Variants in COPB1 observed in about 807,000 individuals in gnomAD.
COPB1 encodes the protein coat protein complex I subunit beta 1.
COPB1 carries 21 observed loss-of-function variants against 108.7 expected under a neutral mutation model. The ratio of observed to expected loss-of-function variants is 0.19; its 90% CI spans 0.14 to 0.28. The LOEUF is 0.28. COPB1 is among the 10% of genes least tolerant of loss of function. The probability of loss-of-function intolerance (pLI) is 1.00; values close to 1 mark genes in which losing one functional copy is unlikely to be tolerated. For missense variants in COPB1, 919 were observed against 1,141.3 expected (o/e 0.81, Z 2.81); for synonymous variants, 378 against 386.8 (o/e 0.98, Z 0.27).
chr11:14,490,458 A>G, intron 5 of COPB1, 107 bp downstream of exon 5: 1 of 621,438 alleles, frequency 1.6e-6, no homozygotes, highest in East Asian at 3.1e-5. Context: ...CACAAACCAC[A>G]TGAACTATAA....
In COPB1 at chr11:14,458,519, A is replaced by T; in HGVS notation, c.2802+13T>A. Reference sequence around the variant, plus strand: ...CAGTCCAGAGATACTCTCAAAAAAAAAGGAACTGTTACCTGGCTCTTTGCA... The same window carrying T: ...CAGTCCAGAGATACTCTCAAAAAAATAGGAACTGTTACCTGGCTCTTTGCA... On this transcript the variant is annotated intron_variant, in intron 21 of 21. Coordinates refer to ENST00000439561, the MANE Select transcript of COPB1 (RefSeq NM_001144061.2). 6.3e-7 allele frequency: 1 copy of T among 1,597,266 alleles called. No individual in the cohort carries two copies. Among genetic ancestry groups the T allele is most frequent in the African/African-American group, 1.4e-5 (1 of 73,852 alleles).
At chr11:14,479,507 TTAAAGA>T in intron 11 of COPB1, 56 bp downstream of exon 11, 1 of 1,495,744 alleles carries the variant, frequency 6.7e-7, no homozygotes, top group Non-Finnish European at 9.0e-7. Context: ...AACTGACCCT[TTAAAGA>T]TAAAAACTGA....
At chr11:14,475,622 T>C (rs1292106575) in intron 13 of COPB1, among the ~76,000 whole-genome samples, 163 bp downstream of exon 13, 1 of 152,220 alleles carries the variant, frequency 6.6e-6, no homozygotes, top group African/African-American at 2.4e-5. Context: ...ATACAATTCC[T>C]AGGGGGAAGA....
At chr11:14,485,855 A>C (rs552899428) in intron 7 of COPB1, among the ~76,000 whole-genome samples, 2 of 152,292 alleles carry the variant, frequency 1.3e-5, no homozygotes, top group South Asian at 2.1e-4. Context: ...AACAAAACAA[A>C]ACAACCCATA....
At chr11:14,479,815 T>C in intron 10 of COPB1, 101 bp from the exon 11 acceptor site, 1 of 1,206,940 alleles carries the variant, frequency 8.3e-7, no homozygotes, top group Non-Finnish European at 1.1e-6. Flanking sequence ...CTTTTTTTGT[T>C]TTCTAAGAGA....
At chr11:14,471,700 C>T (rs1202617148) in intron 14 of COPB1, among the ~76,000 whole-genome samples, 2 of 152,082 alleles carry the variant, frequency 1.3e-5, no homozygotes, top group Non-Finnish European at 2.9e-5. Flanking sequence ...GGCGGATCAC[C>T]TGAGGTCAGC....
At chr11:14,482,958 T>C in intron 8 of COPB1, 74 bp downstream of exon 8, 10 of 1,366,962 alleles carry the variant, frequency 7.3e-6, no homozygotes, top group Non-Finnish European at 9.8e-6. Flanking sequence ...TTAACCAAGA[T>C]GGGCAAAGCT....
intron 21 of COPB1, among the ~76,000 whole-genome samples, 158 bp from the exon 22 acceptor site, chr11:14,458,041 C>T (rs1850065860): frequency 6.7e-6 from 1 of 149,300 alleles, no homozygotes; most frequent in East Asian, 2.0e-4. Flanking sequence ...TGGTAATTAC[C>T]TTTCAGTGCT....
chr11:14,491,815 CTG>C (rs1850912598), intron 4 of COPB1, among the ~76,000 whole-genome samples: 1 of 152,284 alleles, frequency 6.6e-6, no homozygotes, highest in East Asian at 1.9e-4. Context: ...TCTCTAATAA[CTG>C]TTGTGCATAC....
chr11:14,477,819 C>T (rs1194489831), intron 11 of COPB1, among the ~76,000 whole-genome samples: 2 of 149,888 alleles, frequency 1.3e-5, no homozygotes, highest in African/African-American at 4.9e-5. Flanking sequence ...ATCGCTTGAA[C>T]ATGAGAGGCG....
chr11:14,482,458 T>G (rs1850680541), intron 8 of COPB1, among the ~76,000 whole-genome samples: 1 of 152,194 alleles, frequency 6.6e-6, no homozygotes, highest in African/African-American at 2.4e-5. Context: ...TTAAAATGAG[T>G]ATGTCACTGT....
rs1722599278 is a variant in COPB1, at chr11:14,486,392, A to T, written c.812T>A (p.Leu271His). The change falls in exon 7 of 22, where the codon CTC becomes CAC. Residue 271 changes from leucine (L) to histidine (H), a missense_variant. Around this residue, in one of 5 missense-constraint regions of COPB1, gnomAD observed 705 missense variants for 817.8 expected, o/e 0.86. Transcript: ENST00000439561. ...CTTGATTGCAGTTGGTGCACTAGAG[A>T]GTGTCACTAATGTCCCAGCAGCTTC... ...KYEAAGTLVT[L>H]SSAPTAIKAA... 1 of 1,614,150 alleles carries T rather than the reference A, an allele frequency of 6.2e-7. No homozygotes were observed. The highest frequency in any genetic ancestry group is 8.5e-7 in the Non-Finnish European group (1 of 1,180,010).
Position 14,461,222 on chromosome 11 carries a change from G to C in COPB1, c.2520C>G (p.Phe840Leu), listed in dbSNP as rs753064069. 1 of 1,614,116 alleles carries C rather than the reference G, an allele frequency of 6.2e-7. No homozygotes were observed. The highest frequency in any genetic ancestry group is 8.5e-7 in the Non-Finnish European group (1 of 1,180,026). Residue 840 changes from phenylalanine to leucine, a missense_variant, in exon 19 of 22, where the codon TTC becomes TTG. Around this residue, in one of 5 missense-constraint regions of COPB1, gnomAD observed 705 missense variants for 817.8 expected, o/e 0.86. Coordinates refer to ENST00000439561, the MANE Select transcript of COPB1 (RefSeq NM_001144061.2). ...ATTCAAATTCGGCCCACATCTGACG[G>C]AATTCTGCATCAGTGCAAGTTGCAG... ...IQPATCTDAE[F>L]RQMWAEFEWE...
At chr11:14,496,258 T>C (rs771829155) in intron 2 of COPB1, among the ~76,000 whole-genome samples, 10 of 152,100 alleles carry the variant, frequency 6.6e-5, no homozygotes, top group Non-Finnish European at 2.9e-5. Context: ...AGCATATTAA[T>C]TATAAATTTT....
chr11:14,469,328 T>C lies in COPB1; in HGVS notation c.1965+8A>G, dbSNP rs752762839. On this transcript the variant is annotated splice_region_variant and intron_variant, in intron 15 of 21. Coordinates refer to ENST00000439561, the MANE Select transcript of COPB1 (RefSeq NM_001144061.2). Reference sequence around the variant, plus strand: ...AACACTTTTGTTGCCTCATCATATATACCTTACCTTTTGGGATAATTTCTC... The same window carrying C: ...AACACTTTTGTTGCCTCATCATATACACCTTACCTTTTGGGATAATTTCTC... The C allele has an allele frequency of 8.7e-6, 14 of 1,609,608 alleles. No homozygotes were observed. In the East Asian group the frequency reaches 1.6e-4, roughly 18 times the overall value.
intron 10 of COPB1, among the ~76,000 whole-genome samples, chr11:14,480,113 C>A (rs1036775287): frequency 2.6e-5 from 4 of 152,162 alleles, no homozygotes; most frequent in African/African-American, 9.7e-5. Context: ...CCTTGTAATT[C>A]TTAATAATTT....
At chr11:14,495,333 T>A (rs1281776089) in intron 2 of COPB1, among the ~76,000 whole-genome samples, 1 of 152,112 alleles carries the variant, frequency 6.6e-6, no homozygotes. Flanking sequence ...TGATTACAAG[T>A]CTTCAATAAC....
intron 17 of COPB1, 113 bp from the exon 18 acceptor site, chr11:14,465,143 T>C (rs758135321): frequency 2.5e-5 from 33 of 1,322,964 alleles, no homozygotes; most frequent in Non-Finnish European, 2.9e-5. Flanking sequence ...TGCAGCTTAA[T>C]AGTTTCTAGG....
Position 14,496,835 on chromosome 11 carries a change from C to A in COPB1, c.91+2003G>T, listed in dbSNP as rs575647257. Among the ~76,000 whole-genome samples, 11 of 152,296 alleles carry A rather than the reference C, an allele frequency of 7.2e-5. No homozygotes were observed. The South Asian group carries it at 2.3e-3, about 32-fold the overall frequency. Reference sequence around the variant, plus strand: ...CTACAGTAACCAAAACAGCATGGTACTGGCATAAAAACAGACATAAAGACC... The same window carrying A: ...CTACAGTAACCAAAACAGCATGGTAATGGCATAAAAACAGACATAAAGACC... On this transcript the variant is annotated intron_variant, in intron 2 of 21. Coordinates refer to ENST00000439561, the MANE Select transcript of COPB1 (RefSeq NM_001144061.2).
Sources: gnomAD v4.1 joint callset for allele counts (sites outside exome capture counted in the v4.1 genomes callset) on GRCh38, gnomAD v4.1.1 for gene constraint, gnomAD v4.1.1 regional missense constraint, MANE v1.5 for transcripts, NCBI Gene and HGNC (gene_info 2026-07-23, HGNC 2026-07-21) for gene names.